The following CA8 variants were observed in gnomAD, a reference collection of about 807,000 sequenced individuals.
CA8 encodes carbonic anhydrase 8 (inactive).
A neutral mutation model predicts 41.4 loss-of-function variants in CA8; 22 were observed. The ratio of observed to expected loss-of-function variants is 0.53; its 90% confidence interval spans 0.38 to 0.76. The LOEUF (loss-of-function observed/expected upper bound fraction) is 0.76. Among genes scored for constraint, CA8 ranks in the 30% least tolerant of loss-of-function variants. CA8 has a pLI of 0.00. For missense variants in CA8, 270 were observed against 352.8 expected (o/e 0.77, Z 1.88); for synonymous variants, 121 against 130.6 (o/e 0.93, Z 0.50).
rs190615296 is a variant in CA8 at position 60,225,599 on chromosome 8, G to A, written c.577-1014C>T. Among the ~76,000 whole-genome samples, 229 of 152,298 alleles carry A rather than the reference G, an allele frequency of 1.5e-3. 1 individual carries two copies. The highest frequency in any genetic ancestry group is 2.4e-3 in the Non-Finnish European group (160 of 68,030). On this transcript the variant is annotated intron_variant, in intron 5 of 8. Transcript: ENST00000317995. ...ACCTACTCAGGAGATCTTCAGTGGAGGTTCTGCCTGGTTCAGGATACCCTG... is the reference window on the plus strand; with the variant it reads ...ACCTACTCAGGAGATCTTCAGTGGAAGTTCTGCCTGGTTCAGGATACCCTG...
In CA8 at chr8:60,209,498, T is replaced by C. The variant is rs1563526082; in HGVS notation, c.739-579A>G. On this transcript the variant is annotated intron_variant, in intron 7 of 8. Transcript: ENST00000317995. ...AGACTCCATCTCCAAAAAACAATGA[T>C]ACAAACCTCTCCCAAAAAGGTTTTA... Among the ~76,000 whole-genome samples, 7 of 152,218 alleles carry C rather than the reference T, an allele frequency of 4.6e-5. No individual in the cohort carries two copies. In the South Asian group the frequency reaches 1.5e-3, roughly 32 times the overall value.
intron 2 of CA8, among the ~76,000 whole-genome samples, chr8:60,267,908 C>T (rs1223620410): frequency 1.3e-5 from 2 of 152,180 alleles, no homozygotes; most frequent in East Asian, 3.8e-4. Context: ...CTTCAATAAA[C>T]ATCCATTCTG....
At chr8:60,266,817 T>G (rs1259403887) in intron 2 of CA8, among the ~76,000 whole-genome samples, 2 of 152,234 alleles carry the variant, frequency 1.3e-5, no homozygotes, top group African/African-American at 4.8e-5. Context: ...TGACAGCATA[T>G]GTACAAACTT....
At chr8:60,232,480 C>T in intron 3 of CA8, 101 bp from the exon 4 acceptor site, 1 of 835,588 alleles carries the variant, frequency 1.2e-6, no homozygotes, top group Non-Finnish European at 2.1e-6. Context: ...TATGGTATCA[C>T]ATACCACAAG....
chr8:60,280,222 C>T (rs1191647852), intron 1 of CA8, among the ~76,000 whole-genome samples: 1 of 152,164 alleles, frequency 6.6e-6, no homozygotes, highest in Non-Finnish European at 1.5e-5. Context: ...AGTTCAATTA[C>T]GTTCAGTACC....
chr8:60,218,588 C>T (rs1807111749), intron 7 of CA8, among the ~76,000 whole-genome samples: 1 of 152,118 alleles, frequency 6.6e-6, no homozygotes, highest in Admixed American at 6.5e-5. Flanking sequence ...TACATCAATA[C>T]ACTGCTTGTA....
chr8:60,226,280 C>T (rs1807434883), intron 5 of CA8, among the ~76,000 whole-genome samples: 1 of 149,856 alleles, frequency 6.7e-6, no homozygotes, highest in Non-Finnish European at 1.5e-5. Flanking sequence ...GGGATATAAC[C>T]TCTGAGCTTG....
rs374814741 is a variant in CA8, at chr8:60,192,394, C to G, written c.*36-2409G>C. Among the ~76,000 whole-genome samples, 8 of 152,248 alleles carry G rather than the reference C, an allele frequency of 5.3e-5. No homozygotes were observed. In the East Asian group the frequency reaches 5.8e-4, roughly 11 times the overall value. ...ATGACAGCAGATATCATGTGCTGAGCATAGTACTATAAGTAATAATTTTGG... is the reference window on the plus strand; with the variant it reads ...ATGACAGCAGATATCATGTGCTGAGGATAGTACTATAAGTAATAATTTTGG... On this transcript the variant is annotated intron_variant, in intron 8 of 8. Coordinates refer to ENST00000317995, the MANE Select transcript of CA8 (RefSeq NM_004056.6).
chr8:60,279,583 A>C (rs913837580), intron 2 of CA8, 106 bp downstream of exon 2: 4 of 951,216 alleles, frequency 4.2e-6, no homozygotes, highest in Non-Finnish European at 6.7e-6. Flanking sequence ...CTGAAAATAG[A>C]GATACGTCAG....
chr8:60,201,178 A>G (rs2130397455), intron 8 of CA8, among the ~76,000 whole-genome samples: 1 of 152,346 alleles, frequency 6.6e-6, no homozygotes, highest in Admixed American at 6.5e-5. Context: ...GGAAGACCAT[A>G]AATTCAATAT....
chr8:60,236,505 CA>C (rs1363323582), intron 3 of CA8, among the ~76,000 whole-genome samples: 1 of 152,084 alleles, frequency 6.6e-6, no homozygotes, highest in Non-Finnish European at 1.5e-5. Context: ...AAAAGTATGG[CA>C]ACCAACAGAA....
At chr8:60,263,245 C>T (rs199593164) in intron 3 of CA8, among the ~76,000 whole-genome samples, 2 of 150,632 alleles carry the variant, frequency 1.3e-5, no homozygotes, top group East Asian at 3.9e-4. Context: ...TCACCTGAAA[C>T]TGGGAGGCGG....
At chr8:60,227,396 G>A (rs1807478452) in intron 4 of CA8, among the ~76,000 whole-genome samples, 1 of 151,998 alleles carries the variant, frequency 6.6e-6, no homozygotes, top group African/African-American at 2.4e-5. Flanking sequence ...GTCTACTAAA[G>A]GTAATTAAAG....
chr8:60,212,356 T>C (rs1401212247), intron 7 of CA8, among the ~76,000 whole-genome samples: 1 of 152,262 alleles, frequency 6.6e-6, no homozygotes, highest in Non-Finnish European at 1.5e-5. Flanking sequence ...TTGCATTTCA[T>C]GTGTCATCAT....
Position 60,279,900 on chromosome 8 carries a change from A to T in CA8, c.101-20T>A. 1 of 1,578,176 alleles carries T rather than the reference A, an allele frequency of 6.3e-7. No homozygotes were observed. Among genetic ancestry groups the T allele is most frequent in the Non-Finnish European group, 8.6e-7 (1 of 1,159,530 alleles). ...CAACACCTAAGAACAAAATGAAATA[A>T]ATTAAAAACAGGTTAAAAAATAAAT... On this transcript the variant is annotated intron_variant, in intron 1 of 8. Transcript: ENST00000317995.
At chr8:60,194,248 A>G (rs1806215024) in intron 8 of CA8, among the ~76,000 whole-genome samples, 1 of 152,070 alleles carries the variant, frequency 6.6e-6, no homozygotes, top group Non-Finnish European at 1.5e-5. Context: ...TCTTTCATTT[A>G]CAGTTCTTCT....
chr8:60,247,704 T>G (rs1055542329), intron 3 of CA8, among the ~76,000 whole-genome samples: 1 of 152,212 alleles, frequency 6.6e-6, no homozygotes, highest in African/African-American at 2.4e-5. Context: ...TGAATTGCAC[T>G]GTAATAAACA....
intron 3 of CA8, among the ~76,000 whole-genome samples, chr8:60,250,110 A>G (rs959935256): frequency 1.3e-5 from 2 of 152,202 alleles, no homozygotes; most frequent in Non-Finnish European, 2.9e-5. Flanking sequence ...TTAAAACAGC[A>G]ACCGTTACCC....
chr8:60,263,188 T>C (rs893422613), intron 3 of CA8, among the ~76,000 whole-genome samples: 3 of 151,954 alleles, frequency 2.0e-5, no homozygotes, highest in African/African-American at 7.3e-5. Context: ...CCTGGTGTGC[T>C]GGCATGCACC....
Sources: gnomAD v4.1 joint callset for allele counts (sites outside exome capture counted in the v4.1 genomes callset) on GRCh38, gnomAD v4.1.1 for gene constraint, MANE v1.5 for transcripts, NCBI Gene and HGNC (gene_info 2026-07-23, HGNC 2026-07-21) for gene names.